The following CDH12 variants were observed in gnomAD, a reference collection of about 807,000 sequenced individuals.
CDH12 encodes cadherin-12.
Under a neutral mutation model 74.1 loss-of-function variants are expected in CDH12, and 41 were observed. That is an observed-to-expected ratio of 0.55 (90% CI 0.43 to 0.72). CDH12 has a LOEUF of 0.72. Among genes scored for constraint, CDH12 ranks in the 30% least tolerant of loss-of-function variants. The pLI, the probability that CDH12 is intolerant of heterozygous loss-of-function variation, is 0.00. For missense variants in CDH12, 945 were observed against 977.2 expected (o/e 0.97, Z 0.44); for synonymous variants, 399 against 355.0 (o/e 1.12, Z -1.39).
intron 2 of CDH12, among the ~76,000 whole-genome samples, chr5:22,477,052 T>A (rs1309099816): frequency 6.6e-6 from 1 of 152,286 alleles, no homozygotes; most frequent in South Asian, 2.1e-4. Context: ...TCAACGGTTA[T>A]ACACACGCAT....
intron 1 of CDH12, among the ~76,000 whole-genome samples, chr5:22,655,077 T>TA (rs2126889218): frequency 6.6e-6 from 1 of 152,350 alleles, no homozygotes; most frequent in South Asian, 2.1e-4. Context: ...TCTTTGTTTT[T>TA]ATTTACTGGA....
chr5:22,648,727 T>G (rs1403422125), intron 1 of CDH12, among the ~76,000 whole-genome samples: 3 of 151,686 alleles, frequency 2.0e-5, no homozygotes, highest in Non-Finnish European at 4.4e-5. Context: ...TAGGACCTGA[T>G]TTTATGTACC....
intron 1 of CDH12, among the ~76,000 whole-genome samples, chr5:22,538,885 A>C (rs116420855): frequency 6.3e-4 from 96 of 152,214 alleles, no homozygotes; most frequent in African/African-American, 2.3e-3. Context: ...GTATGCAACT[A>C]GTTTGTTTGT....
At chr5:21,767,109 CTT>C (rs1745070128) in intron 11 of CDH12, among the ~76,000 whole-genome samples, 1 of 151,812 alleles carries the variant, frequency 6.6e-6, no homozygotes. Context: ...ATGTGAATAA[CTT>C]AAACTACTCA....
intron 3 of CDH12, among the ~76,000 whole-genome samples, chr5:22,226,126 G>A (rs1752186585): frequency 6.6e-6 from 1 of 151,512 alleles, no homozygotes. Flanking sequence ...TCACAACTGA[G>A]TAGAGCAGCA....
chr5:22,609,168 T>A (rs1342010397), intron 1 of CDH12, among the ~76,000 whole-genome samples: 2 of 152,304 alleles, frequency 1.3e-5, no homozygotes, highest in African/African-American at 2.4e-5. Context: ...GGCTTTTTTA[T>A]AATGGTCTTT....
intron 1 of CDH12, among the ~76,000 whole-genome samples, chr5:22,636,776 C>T (rs547734523): frequency 6.6e-6 from 1 of 152,222 alleles, no homozygotes; most frequent in African/African-American, 2.4e-5. Flanking sequence ...ATACTAAAAA[C>T]CATTACATTT....
At chr5:22,312,082 C>T (rs1580510873) in intron 3 of CDH12, among the ~76,000 whole-genome samples, 3 of 152,042 alleles carry the variant, frequency 2.0e-5, no homozygotes, top group South Asian at 2.1e-4. Flanking sequence ...ATGGCTTCCA[C>T]ACTACGCTCG....
In CDH12 at chr5:21,828,448, T is replaced by C. The variant is rs577049720; in HGVS notation, c.815-11316A>G. ...AAAACACTGAAAATTTTAAGTTAGC[T>C]GGGGATATGTATTTACTCACAAGTT... On this transcript the variant is annotated intron_variant, in intron 8 of 14. Transcript: ENST00000382254. Among the ~76,000 whole-genome samples the C allele has an allele frequency of 3.2e-4, 49 of 152,252 alleles. No homozygotes were observed. In the South Asian group the frequency reaches 1.0e-2, roughly 31 times the overall value.
intron 6 of CDH12, among the ~76,000 whole-genome samples, chr5:21,910,008 T>G (rs972523364): frequency 2.0e-5 from 3 of 152,124 alleles, no homozygotes; most frequent in Non-Finnish European, 2.9e-5. Flanking sequence ...AAAATAGCTG[T>G]TTTTGACACA....
At chr5:22,050,478 C>A (rs1740283589) in intron 5 of CDH12, among the ~76,000 whole-genome samples, 1 of 152,080 alleles carries the variant, frequency 6.6e-6, no homozygotes, top group Admixed American at 6.6e-5. Flanking sequence ...TTTAATTAAA[C>A]AAATTTAGCA....
intron 1 of CDH12, among the ~76,000 whole-genome samples, chr5:22,521,812 A>G (rs1737065794): frequency 6.6e-6 from 1 of 152,184 alleles, no homozygotes; most frequent in South Asian, 2.1e-4. Context: ...GGCTAGCCAG[A>G]TTTGACCAGC....
chr5:22,649,712 ATTGC>A (rs1208316695), intron 1 of CDH12, among the ~76,000 whole-genome samples: 1 of 152,028 alleles, frequency 6.6e-6, no homozygotes, highest in Admixed American at 6.6e-5. Context: ...TACACTTTGC[ATTGC>A]TAATAGTATG....
At chr5:22,214,435 G>T (rs370039240) in intron 3 of CDH12, among the ~76,000 whole-genome samples, 4 of 152,210 alleles carry the variant, frequency 2.6e-5, no homozygotes, top group East Asian at 3.9e-4. Context: ...TGCTTACATC[G>T]AAGTAAATGC....
chr5:22,657,033 C>T (rs895109725), intron 1 of CDH12, among the ~76,000 whole-genome samples: 3 of 152,048 alleles, frequency 2.0e-5, no homozygotes, highest in African/African-American at 7.2e-5. Context: ...CAGGTATGAG[C>T]CACCATGCCT....
chr5:21,899,561 CA>C (rs1753286543), intron 6 of CDH12, among the ~76,000 whole-genome samples: 1 of 151,940 alleles, frequency 6.6e-6, no homozygotes, highest in Non-Finnish European at 1.5e-5. Context: ...AACTCATTTA[CA>C]ATTTAAAAGG....
chr5:21,973,021 T>C (rs1019282920), intron 6 of CDH12, among the ~76,000 whole-genome samples: 1 of 141,500 alleles, frequency 7.1e-6, no homozygotes, highest in Non-Finnish European at 1.5e-5. Context: ...CTGGGCAACA[T>C]AGCTAGATCC....
chr5:21,910,574 CA>C (rs1442226059), intron 6 of CDH12, among the ~76,000 whole-genome samples: 1 of 151,990 alleles, frequency 6.6e-6, no homozygotes, highest in Non-Finnish European at 1.5e-5. Flanking sequence ...GTGGGTTGGC[CA>C]AATCTGCTTT....
In CDH12 at chr5:22,229,423, G is replaced by A. The variant is rs375156545; in HGVS notation, c.-332-16780C>T. ...TTTGGGGCCTTGTTACTCCAGCCTGGGCGACAGAGCAAGACTCCGTCTCAA... is the reference window on the plus strand; with the variant it reads ...TTTGGGGCCTTGTTACTCCAGCCTGAGCGACAGAGCAAGACTCCGTCTCAA... On this transcript the variant is annotated intron_variant, in intron 3 of 14. Coordinates refer to ENST00000382254, the MANE Select transcript of CDH12 (RefSeq NM_004061.5). 1.2e-4 allele frequency among the ~76,000 whole-genome samples: 18 copies of A among 148,868 alleles called. No homozygotes were observed. In the East Asian group the frequency reaches 3.4e-3, roughly 28 times the overall value.
Sources: allele counts gnomAD v4.1 joint callset (sites outside exome capture counted in the v4.1 genomes callset), GRCh38; gene constraint gnomAD v4.1.1; transcripts MANE v1.5; gene names NCBI Gene and HGNC (gene_info 2026-07-23, HGNC 2026-07-21).